The following C16orf74 variants were observed in gnomAD, a reference collection of about 807,000 sequenced individuals.
C16orf74 encodes the protein uncharacterized protein C16orf74.
C16orf74 carries 10 observed loss-of-function variants against 6.5 expected under a neutral mutation model. The ratio of observed to expected loss-of-function variants is 1.54; its 90% CI spans 0.95 to 2.61. The LOEUF (loss-of-function observed/expected upper bound fraction) is 2.61, where lower values mean the gene tolerates loss of function less well. C16orf74 is among the 30% of genes most tolerant of loss of function. The probability of loss-of-function intolerance (pLI) is 0.00; values close to 1 mark genes in which losing one functional copy is unlikely to be tolerated. For missense variants in C16orf74, 141 were observed against 105.9 expected (o/e 1.33, Z -1.45); for synonymous variants, 60 against 42.5 (o/e 1.41, Z -1.60).
At position 85,736,556 on chromosome 16, in the gene C16orf74, C is replaced by A. The variant is rs147863033; in HGVS notation, c.-18-1321G>T. Among the ~76,000 whole-genome samples, 10 of 152,130 alleles carry A rather than the reference C, an allele frequency of 6.6e-5. No homozygotes were observed. The East Asian group carries it at 1.9e-3, about 29-fold the overall frequency. On this transcript the variant is annotated intron_variant, in intron 1 of 3. Transcript: ENST00000284245. ...TGGGAGATACCACCAAGACATAGAC[C>A]GGGGCCTTGGGAAGGGAGGGAAAGC... is the stretch of plus-strand genomic sequence containing the variant.
chr16:85,735,007 C>T (rs1490530722), intron 2 of C16orf74, among the ~76,000 whole-genome samples, 183 bp downstream of exon 2: 4 of 152,316 alleles, frequency 2.6e-5, no homozygotes, highest in African/African-American at 9.6e-5. Flanking sequence ...AATAGAAGGC[C>T]TGGAGGGGTG....
At chr16:85,715,181 C>A (rs1327246525) in intron 2 of C16orf74, among the ~76,000 whole-genome samples, 1 of 150,120 alleles carries the variant, frequency 6.7e-6, no homozygotes, top group South Asian at 2.1e-4. Flanking sequence ...AAGAAGAGAA[C>A]ATTTCTCCTG....
chr16:85,718,569 T>G (rs1404635849), intron 2 of C16orf74, among the ~76,000 whole-genome samples: 1 of 152,156 alleles, frequency 6.6e-6, no homozygotes, highest in Non-Finnish European at 1.5e-5. Context: ...GGGCCTCTGC[T>G]TCCTCACCTG....
intron 2 of C16orf74, among the ~76,000 whole-genome samples, chr16:85,727,728 C>T (rs1023657571): frequency 2.0e-5 from 3 of 151,878 alleles, no homozygotes; most frequent in African/African-American, 7.3e-5. Context: ...GTGGGAGAAT[C>T]GCTTGATCCC....
intron 1 of C16orf74, among the ~76,000 whole-genome samples, 187 bp downstream of exon 1, chr16:85,750,739 G>C (rs1159471605): frequency 6.6e-6 from 1 of 152,160 alleles, no homozygotes; most frequent in Non-Finnish European, 1.5e-5. Context: ...CCGTGTCTCC[G>C]CAGCAAAGTC....
intron 1 of C16orf74, among the ~76,000 whole-genome samples, chr16:85,736,836 G>T (rs533924298): frequency 6.6e-6 from 1 of 152,134 alleles, no homozygotes; most frequent in Non-Finnish European, 1.5e-5. Flanking sequence ...CGTGGATCAG[G>T]AGTTCAAGAC....
chr16:85,721,191 G>C (rs2054079131), intron 2 of C16orf74, among the ~76,000 whole-genome samples: 1 of 152,016 alleles, frequency 6.6e-6, no homozygotes, highest in East Asian at 1.9e-4. Flanking sequence ...CCCTAAAATG[G>C]AAACAAGAGC....
intron 2 of C16orf74, among the ~76,000 whole-genome samples, chr16:85,718,502 G>C (rs965066816): frequency 6.6e-5 from 10 of 152,216 alleles, no homozygotes; most frequent in Admixed American, 6.5e-4. Context: ...CGATGCGATG[G>C]ACGGCCAGAC....
At chr16:85,722,448 C>T (rs535229431) in intron 2 of C16orf74, among the ~76,000 whole-genome samples, 5 of 152,334 alleles carry the variant, frequency 3.3e-5, no homozygotes, top group African/African-American at 4.8e-5. Context: ...GCGGAGCAGA[C>T]TGAAGGCTGG....
intron 1 of C16orf74, among the ~76,000 whole-genome samples, chr16:85,739,572 T>C (rs1255263953): frequency 6.6e-6 from 1 of 152,164 alleles, no homozygotes; most frequent in Non-Finnish European, 1.5e-5. Flanking sequence ...GAGCATGACA[T>C]ACTGGTGTGT....
intron 2 of C16orf74, among the ~76,000 whole-genome samples, chr16:85,729,453 A>G (rs964572971): frequency 9.2e-5 from 14 of 152,182 alleles, no homozygotes; most frequent in African/African-American, 3.1e-4. Flanking sequence ...CACCCTCTCA[A>G]TATCTACCAC....
chr16:85,712,357 T>C (rs74834367), intron 2 of C16orf74, among the ~76,000 whole-genome samples: 3 of 152,344 alleles, frequency 2.0e-5, no homozygotes, highest in African/African-American at 7.2e-5. Flanking sequence ...AGTTTTGGCA[T>C]AGTTTGTTAT....
At chr16:85,717,183 A>G (rs188252621) in intron 2 of C16orf74, among the ~76,000 whole-genome samples, 67 of 152,288 alleles carry the variant, frequency 4.4e-4, no homozygotes, top group African/African-American at 1.6e-3. Flanking sequence ...GGATTTCCAC[A>G]TGGGTTACAT....
At chr16:85,721,177 T>C (rs2054079018) in intron 2 of C16orf74, among the ~76,000 whole-genome samples, 1 of 151,744 alleles carries the variant, frequency 6.6e-6, no homozygotes, top group Admixed American at 6.6e-5. Context: ...TTCAATCTAC[T>C]CATCCCTAAA....
intron 2 of C16orf74, among the ~76,000 whole-genome samples, chr16:85,720,932 A>G (rs2054076216): frequency 6.6e-6 from 1 of 150,906 alleles, no homozygotes; most frequent in African/African-American, 2.4e-5. Flanking sequence ...TACTAAAAAT[A>G]CAAAAAGAAT....
intron 1 of C16orf74, among the ~76,000 whole-genome samples, chr16:85,740,644 AT>A (rs2054295251): frequency 6.6e-6 from 1 of 150,642 alleles, no homozygotes; most frequent in East Asian, 2.0e-4. Flanking sequence ...GGGAGCCGAG[AT>A]CGTGCCACTG....
chr16:85,712,925 CGGAGA>C (rs2053984778), intron 2 of C16orf74, among the ~76,000 whole-genome samples: 1 of 152,176 alleles, frequency 6.6e-6, no homozygotes, highest in African/African-American at 2.4e-5. Flanking sequence ...GGGTCATGCC[CGGAGA>C]GACAGCAGCC....
chr16:85,728,537 G>T (rs1263719187), intron 2 of C16orf74, among the ~76,000 whole-genome samples: 4 of 152,038 alleles, frequency 2.6e-5, no homozygotes, highest in Admixed American at 2.6e-4. Context: ...CGCCCCCACA[G>T]AACCTCACAG....
intron 2 of C16orf74, among the ~76,000 whole-genome samples, chr16:85,729,319 C>T (rs1331993636): frequency 1.3e-5 from 2 of 152,228 alleles, no homozygotes; most frequent in Non-Finnish European, 2.9e-5. Flanking sequence ...TTTTCTTTGG[C>T]CTGTGGGACA....
Sources: gnomAD v4.1 joint callset for allele counts (sites outside exome capture counted in the v4.1 genomes callset) on GRCh38, gnomAD v4.1.1 for gene constraint, MANE v1.5 for transcripts, NCBI Gene and HGNC (gene_info 2026-07-23, HGNC 2026-07-21) for gene names.